The following ZNF516 variants were observed in gnomAD, a reference collection of about 807,000 sequenced individuals.
The protein encoded by ZNF516 is zinc finger protein 516.
Under a neutral mutation model 79.7 loss-of-function variants are expected in ZNF516, and 19 were observed. The observed-to-expected ratio is 0.24, with a 90% CI of 0.17 to 0.35. The LOEUF (loss-of-function observed/expected upper bound fraction) is 0.35, where lower values mean the gene tolerates loss of function less well. Among genes scored for constraint, ZNF516 ranks in the 10% least tolerant of loss-of-function variants. ZNF516 has a pLI of 1.00. For synonymous variants in ZNF516, 877 were observed against 739.5 expected, an observed-to-expected ratio of 1.19 and a Z score of -3.02; for missense variants, 1,678 against 1,679.5, an observed-to-expected ratio of 1.00 and a Z score of 0.02.
At chr18:76,447,349 C>T (rs1370530274) in intron 2 of ZNF516, among the ~76,000 whole-genome samples, 3 of 152,238 alleles carry the variant, frequency 2.0e-5, no homozygotes, top group African/African-American at 7.2e-5. Flanking sequence ...ATGCCTCCTC[C>T]ACCTTTATCC....
At chr18:76,473,025 A>G (rs1490310680) in intron 1 of ZNF516, among the ~76,000 whole-genome samples, 2 of 152,244 alleles carry the variant, frequency 1.3e-5, no homozygotes, top group Non-Finnish European at 2.9e-5. Flanking sequence ...TCTTTCCCAA[A>G]GGGGAAGTCA....
upstream of ZNF516, chr18:76,495,770 C>T (rs1277331102): frequency 8.8e-7 from 1 of 1,141,004 alleles, no homozygotes; most frequent in Non-Finnish European, 1.1e-6. Flanking sequence ...ATGGGGACAC[C>T]CCTTCGGGGG....
intron 6 of ZNF516, among the ~76,000 whole-genome samples, chr18:76,363,595 T>C (rs1045833359): frequency 3.3e-5 from 5 of 152,156 alleles, no homozygotes; most frequent in African/African-American, 9.7e-5. Context: ...ATTTGAAATG[T>C]AGGAAACAGT....
chr18:76,443,002 G>C lies in ZNF516; in HGVS notation c.53C>G (p.Thr18Ser), dbSNP rs774872705. 55 of 1,601,570 alleles carry C rather than the reference G, an allele frequency of 3.4e-5. No individual in the cohort carries two copies. Among genetic ancestry groups the C allele is most frequent in the Non-Finnish European group, 4.5e-5 (53 of 1,178,858 alleles). The change falls in exon 3 of 7, where the codon ACC becomes AGC. Residue 18 changes from threonine to serine, a missense_variant. Physicochemically the swap from Thr to Ser is moderately conservative, Grantham distance 58. Transcript: ENST00000443185. Reference sequence around the variant, plus strand: ...CACCTCGTGGCCCCGGCCGGCCCTGGTGGGGCTGGGGCCTCGCCTCAGCTC... The same window carrying C: ...CACCTCGTGGCCCCGGCCGGCCCTGCTGGGGCTGGGGCCTCGCCTCAGCTC... ...EMELRRGPSPTRAGRGHEVDG... is the reference protein window; with the variant it reads ...EMELRRGPSPSRAGRGHEVDG...
chr18:76,440,046 C>A (rs529220593), intron 3 of ZNF516, among the ~76,000 whole-genome samples: 3 of 152,150 alleles, frequency 2.0e-5, no homozygotes, highest in Admixed American at 2.0e-4. Flanking sequence ...GACTAAAACG[C>A]GAAGTTAAAA....
chr18:76,476,518 T>C (rs1568324415), intron 1 of ZNF516, among the ~76,000 whole-genome samples: 1 of 152,220 alleles, frequency 6.6e-6, no homozygotes, highest in Non-Finnish European at 1.5e-5. Context: ...GGGAATAGGA[T>C]TGGTCTTAGC....
At chr18:76,363,492 T>C (rs2074569643) in intron 6 of ZNF516, among the ~76,000 whole-genome samples, 1 of 152,206 alleles carries the variant, frequency 6.6e-6, no homozygotes, top group Non-Finnish European at 1.5e-5. Context: ...GTTTGTGACA[T>C]CTACCAGTTG....
At chr18:76,436,585 A>G (rs1457107092) in intron 3 of ZNF516, among the ~76,000 whole-genome samples, 2 of 152,138 alleles carry the variant, frequency 1.3e-5, no homozygotes, top group Non-Finnish European at 2.9e-5. Context: ...CTGCAAGGTC[A>G]GTGCGCGAAG....
chr18:76,402,059 C>T (rs914012976), intron 3 of ZNF516, among the ~76,000 whole-genome samples: 2 of 152,048 alleles, frequency 1.3e-5, no homozygotes, highest in Non-Finnish European at 2.9e-5. Flanking sequence ...GACCAGTGGT[C>T]TCTGCATCCC....
chr18:76,465,481 G>C (rs962983380), intron 1 of ZNF516, among the ~76,000 whole-genome samples: 4 of 152,242 alleles, frequency 2.6e-5, no homozygotes, highest in African/African-American at 9.6e-5. Context: ...TCCTTGGACA[G>C]CACACGGGAG....
Position 76,459,041 on chromosome 18 carries a change from C to G in ZNF516, c.-158+3987G>C, listed in dbSNP as rs1039477749. Among the ~76,000 whole-genome samples the G allele has an allele frequency of 6.6e-6, 1 of 152,166 alleles. No homozygotes were observed. Among genetic ancestry groups the G allele is most frequent in the Admixed American group, 6.5e-5 (1 of 15,290 alleles). On this transcript the variant is annotated intron_variant, in intron 2 of 6. Coordinates refer to ENST00000443185, the MANE Select transcript of ZNF516 (RefSeq NM_014643.4). This position sits in a 1 kb window ranked among gnomAD's most constrained non-coding sequence, Gnocchi z 5.0. ...GAGCACATGTGTGTGATCTCTTAACCTACATAAAAGCACTCATTCAAATAC... is the reference window on the plus strand; with the variant it reads ...GAGCACATGTGTGTGATCTCTTAACGTACATAAAAGCACTCATTCAAATAC...
upstream of ZNF516, chr18:76,496,212 C>G: frequency 8.2e-7 from 1 of 1,222,958 alleles, no homozygotes; most frequent in Non-Finnish European, 1.1e-6. Context: ...AGCGCCCCTT[C>G]ACGGCCGGTG....
chr18:76,387,586 G>A (rs745395551), intron 3 of ZNF516: 7 of 152,338 alleles, frequency 4.6e-5, no homozygotes, highest in African/African-American at 9.6e-5. Flanking sequence ...ACTATATAAC[G>A]TGATTTTCTT....
rs140082931 is a variant in ZNF516, at chr18:76,422,098, T to C, written c.1810+19147A>G. ...ATCCCAGAAAAATTCAGCCAGGGTATCTATGCTAGTATCACCCAATTGGAA... is the reference window on the plus strand; with the variant it reads ...ATCCCAGAAAAATTCAGCCAGGGTACCTATGCTAGTATCACCCAATTGGAA... On this transcript the variant is annotated intron_variant, in intron 3 of 6. Coordinates refer to ENST00000443185, the MANE Select transcript of ZNF516 (RefSeq NM_014643.4). Among the ~76,000 whole-genome samples the C allele has an allele frequency of 9.8e-5, 15 of 152,366 alleles. No homozygotes were observed. The East Asian group carries it at 2.5e-3, about 25-fold the overall frequency.
intron 4 of ZNF516, 46 bp downstream of exon 4, chr18:76,378,809 T>G: frequency 1.3e-6 from 2 of 1,579,470 alleles, no homozygotes; most frequent in Non-Finnish European, 1.7e-6. Flanking sequence ...GGGGTGGTTC[T>G]GGGGGTCACA....
At chr18:76,445,666 C>T (rs1911999820) in intron 2 of ZNF516, among the ~76,000 whole-genome samples, 1 of 152,192 alleles carries the variant, frequency 6.6e-6, no homozygotes, top group South Asian at 2.1e-4. Context: ...TGTACAGACT[C>T]CCCTGGACCT....
At chr18:76,395,880 G>A (rs986224744) in intron 3 of ZNF516, among the ~76,000 whole-genome samples, 5 of 152,140 alleles carry the variant, frequency 3.3e-5, no homozygotes, top group African/African-American at 9.7e-5. Context: ...ACAGGACCCC[G>A]CTCCTCGTCC....
At chr18:76,494,384 G>A (rs1599178858) in intron 1 of ZNF516, among the ~76,000 whole-genome samples, 1 of 67,358 alleles carries the variant, frequency 1.5e-5, no homozygotes, top group African/African-American at 6.0e-5. Context: ...TCCCCCACCC[G>A]CACCCGGCGG....
intron 3 of ZNF516, among the ~76,000 whole-genome samples, chr18:76,425,911 C>G (rs956099509): frequency 1.3e-5 from 2 of 152,176 alleles, no homozygotes; most frequent in African/African-American, 2.4e-5. Flanking sequence ...CAGCTGACGT[C>G]GACACCCAAG....
Sources: gnomAD v4.1 joint callset for allele counts (sites outside exome capture counted in the v4.1 genomes callset) on GRCh38, gnomAD v4.1.1 for gene constraint, Gnocchi (gnomAD v3.1) non-coding constraint, MANE v1.5 for transcripts, NCBI Gene and HGNC (gene_info 2026-07-23, HGNC 2026-07-21) for gene names.